Variants in TTC28 observed in about 807,000 individuals in gnomAD.
TTC28 encodes the protein tetratricopeptide repeat domain 28.
In TTC28, 61 loss-of-function variants were observed where a neutral mutation model predicts 198.0. The observed-to-expected ratio is 0.31, with a 90% CI of 0.25 to 0.38. TTC28 has a LOEUF of 0.38. Ranked by LOEUF, TTC28 falls within the 10% of genes least tolerant of loss-of-function variation. The pLI, the probability that TTC28 is intolerant of heterozygous loss-of-function variation, is 1.00. For synonymous variants in TTC28, 1,171 were observed against 1,297.8 expected, an observed-to-expected ratio of 0.90 and a Z score of 2.10; for missense variants, 2,678 against 3,164.0, an observed-to-expected ratio of 0.85 and a Z score of 3.69.
intron 1 of TTC28, among the ~76,000 whole-genome samples, chr22:28,655,902 A>G (rs548076930): frequency 1.1e-4 from 16 of 152,192 alleles, no homozygotes; most frequent in African/African-American, 1.7e-4. Flanking sequence ...ATAGGTAATG[A>G]CAAGTTCTTA....
intron 12 of TTC28, among the ~76,000 whole-genome samples, chr22:28,077,852 C>T (rs1373829940): frequency 6.6e-6 from 1 of 152,120 alleles, no homozygotes; most frequent in African/African-American, 2.4e-5. Context: ...ATTTAAAACC[C>T]CTTGTGAGTG....
At chr22:28,252,838 C>G (rs1047620359) in intron 5 of TTC28, among the ~76,000 whole-genome samples, 4 of 152,156 alleles carry the variant, frequency 2.6e-5, no homozygotes, top group African/African-American at 9.7e-5. Flanking sequence ...TTGACTGATT[C>G]ATTACCAAAT....
intron 5 of TTC28, among the ~76,000 whole-genome samples, chr22:28,269,840 G>A (rs960554724): frequency 8.6e-5 from 13 of 152,026 alleles, no homozygotes; most frequent in Non-Finnish European, 1.5e-4. Context: ...AATCCAACCC[G>A]TACCATCCCA....
chr22:28,625,001 A>G (rs1027240179), intron 2 of TTC28, among the ~76,000 whole-genome samples: 1 of 152,214 alleles, frequency 6.6e-6, no homozygotes, highest in Non-Finnish European at 1.5e-5. Flanking sequence ...TAAAAAAATT[A>G]TAATTTCAAT....
intron 2 of TTC28, among the ~76,000 whole-genome samples, chr22:28,448,447 G>A (rs73428078): frequency 0.03 from 4,582 of 152,082 alleles, 238 homozygotes; most frequent in African/African-American, 0.11. Flanking sequence ...TGTTTTAGGC[G>A]TAGAAATTTG....
intron 5 of TTC28, among the ~76,000 whole-genome samples, chr22:28,207,240 C>CA (rs1926497065): frequency 2.4e-5 from 3 of 124,466 alleles, no homozygotes; most frequent in Non-Finnish European, 1.8e-5. Flanking sequence ...AAAAAAAAAG[C>CA]ACAAAAAAAA....
intron 6 of TTC28, among the ~76,000 whole-genome samples, chr22:28,110,765 T>C (rs1053761945): frequency 7.2e-5 from 11 of 151,786 alleles, no homozygotes; most frequent in African/African-American, 2.4e-4. Flanking sequence ...CAAGACCTTG[T>C]CTCTACCAAA....
chr22:28,107,380 TC>T lies in TTC28; in HGVS notation c.2464del (p.Asp822IlefsTer2), dbSNP rs1412593398. 1 of 1,551,750 alleles carries T rather than the reference TC, an allele frequency of 6.4e-7. No individual in the cohort carries two copies. On this transcript the variant is annotated frameshift_variant, in exon 7 of 23. Transcript: ENST00000397906. LOFTEE classifies it high-confidence loss of function. ...CGGATCCTTCAGCTTTTGCCCTAGA[TC>T]CAGTTGCTCTTCATAACACTTGAAT... Reference protein sequence around the residue: ...MAFKCYEEQLDLGQKLKDPSL... With the variant: ...MAFKCYEEQLXLGQKLKDPSL...
intron 5 of TTC28, among the ~76,000 whole-genome samples, chr22:28,175,656 C>CA (rs1277268680): frequency 7.2e-5 from 11 of 152,078 alleles, no homozygotes; most frequent in African/African-American, 2.4e-4. Flanking sequence ...TCGCTTAAGC[C>CA]AGGGAGGCAG....
In TTC28 at chr22:28,163,566, C is replaced by T. The variant is rs1412787202; in HGVS notation, c.967G>A (p.Val323Met). The change falls in exon 6 of 23, where the codon GTG becomes ATG. Residue 323 changes from valine to methionine, a missense_variant. Coordinates refer to ENST00000397906, the MANE Select transcript of TTC28 (RefSeq NM_001145418.2). ...GGGTAGTCTCCAATGGCTGTGTACA[C>T]GTGGCCCAGACTGCTCAAGGCTGAT... ...ASSALSSLGH[V>M]YTAIGDYPNA... 37 of 1,550,090 alleles carry T rather than the reference C, an allele frequency of 2.4e-5. No individual in the cohort carries two copies. Among genetic ancestry groups the T allele is most frequent in the African/African-American group, 4.1e-5 (3 of 73,030 alleles).
intron 5 of TTC28, among the ~76,000 whole-genome samples, chr22:28,167,067 T>A (rs1249469890): frequency 2.0e-5 from 3 of 151,696 alleles, no homozygotes; most frequent in African/African-American, 7.3e-5. Context: ...AACTAGAAAA[T>A]CTAGAAGAAA....
At chr22:28,216,245 C>CTA (rs1927391628) in intron 5 of TTC28, among the ~76,000 whole-genome samples, 1 of 152,140 alleles carries the variant, frequency 6.6e-6, no homozygotes, top group African/African-American at 2.4e-5. Flanking sequence ...AGTATAGTAG[C>CTA]TATCATAGCT....
intron 2 of TTC28, among the ~76,000 whole-genome samples, chr22:28,456,919 T>A (rs888595368): frequency 1.3e-5 from 2 of 152,186 alleles, no homozygotes; most frequent in African/African-American, 4.8e-5. Flanking sequence ...TTGTCTTCCA[T>A]ACTAGACAAC....
At chr22:28,537,305 A>AC (rs2049307096) in intron 2 of TTC28, among the ~76,000 whole-genome samples, 1 of 126,458 alleles carries the variant, frequency 7.9e-6, no homozygotes, top group African/African-American at 2.6e-5. Flanking sequence ...AAATAAAATA[A>AC]AATAAAATAA....
intron 2 of TTC28, among the ~76,000 whole-genome samples, chr22:28,389,753 C>T (rs1040592933): frequency 1.9e-4 from 28 of 148,394 alleles, no homozygotes; most frequent in Admixed American, 1.6e-3. Context: ...ATTAGTCTTG[C>T]TAGTGGTCTA....
intron 2 of TTC28, among the ~76,000 whole-genome samples, chr22:28,386,306 A>AAAAG (rs2046592205): frequency 8.3e-6 from 1 of 120,164 alleles, no homozygotes; most frequent in Admixed American, 9.2e-5. Flanking sequence ...AAAAAAAAAA[A>AAAAG]GAAGGCTTCA....
At chr22:28,084,585 ACT>A (rs1015732010) in intron 12 of TTC28, among the ~76,000 whole-genome samples, 3 of 152,110 alleles carry the variant, frequency 2.0e-5, no homozygotes, top group African/African-American at 7.2e-5. Flanking sequence ...AAAACTGGAA[ACT>A]CTAAAAATCA....
At chr22:28,231,489 A>G (rs1399731445) in intron 5 of TTC28, among the ~76,000 whole-genome samples, 2 of 152,198 alleles carry the variant, frequency 1.3e-5, no homozygotes, top group Admixed American at 1.3e-4. Context: ...TGCATCTTTA[A>G]CTCTTCTAAT....
intron 11 of TTC28, among the ~76,000 whole-genome samples, 200 bp from the exon 12 acceptor site, chr22:28,094,445 T>C (rs1181281496): frequency 6.6e-6 from 1 of 152,206 alleles, no homozygotes; most frequent in Non-Finnish European, 1.5e-5. Flanking sequence ...TCACAGCTTT[T>C]ACCATTAGGT....
Sources: allele counts gnomAD v4.1 joint callset (sites outside exome capture counted in the v4.1 genomes callset), GRCh38; gene constraint gnomAD v4.1.1; transcripts MANE v1.5; gene names NCBI Gene and HGNC (gene_info 2026-07-23, HGNC 2026-07-21).